The following FRAS1 variants were observed in gnomAD, a reference collection of about 807,000 sequenced individuals.
The protein encoded by FRAS1 is Fraser extracellular matrix complex subunit 1.
FRAS1 carries 290 observed loss-of-function variants against 435.2 expected under a neutral mutation model. The observed-to-expected ratio is 0.67, with a 90% CI of 0.61 to 0.73. The LOEUF is 0.73. Among genes scored for constraint, FRAS1 ranks in the 30% least tolerant of loss-of-function variants. FRAS1 has a pLI of 0.00. For synonymous variants in FRAS1, 1,800 were observed against 1,851.0 expected, an observed-to-expected ratio of 0.97 and a Z score of 0.71; for missense variants, 4,860 against 5,001.5, an observed-to-expected ratio of 0.97 and a Z score of 0.85.
chr4:78,154,623 CT>C (rs1432725314), intron 2 of FRAS1, among the ~76,000 whole-genome samples: 3 of 152,112 alleles, frequency 2.0e-5, no homozygotes, highest in African/African-American at 4.8e-5. Context: ...TCTTTTTAGG[CT>C]CGCTTTAATT....
In FRAS1 at chr4:78,349,769, A is replaced by C. The variant is rs1321936555; in HGVS notation, c.2422+11952A>C. Among the ~76,000 whole-genome samples, 5 of 14,624 alleles carry C rather than the reference A, an allele frequency of 3.4e-4. 1 individual carries two copies. The highest frequency in any genetic ancestry group is 1.4e-3 in the Admixed American group (2 of 1,478). The allele number at this position is 14,624 out of a possible 152,430, so 9.6% of individuals were successfully genotyped here. ...AGCTTCATAAGTGAAGGAGAAATAA[A>C]ATACTTTATAGACAAGCAAATGCTG... On this transcript the variant is annotated intron_variant, in intron 20 of 73. Coordinates refer to ENST00000512123, the MANE Select transcript of FRAS1 (RefSeq NM_025074.7).
intron 63 of FRAS1, 127 bp downstream of exon 63, chr4:78,509,133 GCA>G: frequency 3.8e-6 from 4 of 1,050,662 alleles, no homozygotes; most frequent in South Asian, 1.5e-5. Flanking sequence ...ATAAGCAGGT[GCA>G]CAGTCTTTTT....
At chr4:78,183,828 A>C (rs1444569662) in intron 2 of FRAS1, among the ~76,000 whole-genome samples, 4 of 110,074 alleles carry the variant, frequency 3.6e-5, no homozygotes, top group African/African-American at 1.3e-4. Context: ...CACATTATAT[A>C]TTTAATTAAT....
rs1164490899 is a variant in FRAS1 at position 78,466,269 on chromosome 4, G to C, written c.7091G>C (p.Ser2364Thr). ...CGCCATGGCACCATCGAGCGAACCA[G>C]CAATGGGCAGCATTTCCACCTCACC... ...PPRHGTIERT[S>T]NGQHFHLTST... Residue 2364 changes from serine (S) to threonine (T), a missense_variant, in exon 50 of 74, where the codon AGC (serine) becomes ACC (threonine). Coordinates refer to ENST00000512123, the MANE Select transcript of FRAS1 (RefSeq NM_025074.7). The C allele has an allele frequency of 1.2e-6, 2 of 1,613,786 alleles. No homozygotes were observed. The highest frequency in any genetic ancestry group is 1.7e-6 in the Non-Finnish European group (2 of 1,179,846).
At chr4:78,154,135 T>A (rs1456130601) in intron 2 of FRAS1, among the ~76,000 whole-genome samples, 3 of 152,194 alleles carry the variant, frequency 2.0e-5, no homozygotes, top group Non-Finnish European at 4.4e-5. Context: ...TTCATGAGGC[T>A]AAGAGACTGC....
In FRAS1 at chr4:78,452,315, C is replaced by G. The variant is rs377425476; in HGVS notation, c.6724C>G (p.Gln2242Glu). ...AGAATTGATCTACAGAATCACCAGA[C>G]AGCCCCAGCTGGGCCACTTGGAACA... ...PTELIYRITR[Q>E]PQLGHLEHAA... The change falls in exon 47 of 74, where the codon CAG becomes GAG. Residue 2242 changes from glutamine to glutamate, a missense_variant. Transcript: ENST00000512123. The G allele has an allele frequency of 8.7e-6, 14 of 1,611,530 alleles. No individual in the cohort carries two copies. The highest frequency in any genetic ancestry group is 3.3e-5 in the South Asian group (3 of 90,218).
chr4:78,347,761 GTGTA>G (rs1730660670), intron 20 of FRAS1, among the ~76,000 whole-genome samples: 1 of 146,508 alleles, frequency 6.8e-6, no homozygotes, highest in South Asian at 2.2e-4. Flanking sequence ...ATGTGTGTGT[GTGTA>G]TGTGTGTGCG....
At chr4:78,522,304 T>C (rs1455465584) in intron 68 of FRAS1, among the ~76,000 whole-genome samples, 1 of 152,206 alleles carries the variant, frequency 6.6e-6, no homozygotes, top group Non-Finnish European at 1.5e-5. Flanking sequence ...CCAAGAAACA[T>C]GTTCGTTAGA....
At chr4:78,150,681 T>C (rs1312890329) in intron 2 of FRAS1, among the ~76,000 whole-genome samples, 1 of 152,178 alleles carries the variant, frequency 6.6e-6, no homozygotes, top group Non-Finnish European at 1.5e-5. Flanking sequence ...GTTAATAGTA[T>C]CCAGACTGGG....
Position 78,338,670 on chromosome 4 carries a change from G to A in FRAS1, c.2422+853G>A, listed in dbSNP as rs188927188. Among the ~76,000 whole-genome samples, 100 of 152,322 alleles carry A rather than the reference G, an allele frequency of 6.6e-4. 1 individual carries two copies. Among genetic ancestry groups the A allele is most frequent in the African/African-American group, 2.4e-3 (99 of 41,564 alleles). On this transcript the variant is annotated intron_variant, in intron 20 of 73. Coordinates refer to ENST00000512123, the MANE Select transcript of FRAS1 (RefSeq NM_025074.7). The stretch of plus-strand genomic sequence containing the variant: ...GAAAGGTGAGAAAGTGTGCTGAGAG[G>A]TTGACCAGGCTGTCAGGCTTGTTCT...
At chr4:78,424,288 T>G in intron 34 of FRAS1, 100 bp from the exon 35 acceptor site, 2 of 551,194 alleles carry the variant, frequency 3.6e-6, no homozygotes, top group Non-Finnish European at 6.3e-6. Context: ...GATTAAAACA[T>G]TCTTTAGCTT....
chr4:78,245,329 A>C lies in FRAS1; in HGVS notation c.309+4A>C, dbSNP rs1420556125. 1.3e-6 allele frequency: 2 copies of C among 1,581,132 alleles called. No individual in the cohort carries two copies. The highest frequency in any genetic ancestry group is 1.7e-6 in the Non-Finnish European group (2 of 1,156,642). The stretch of plus-strand genomic sequence containing the variant: ...TCATGAAAAGAAAATCCATGAGGTA[A>C]GTGTTTTCTGACTCACGGTTGATTC... On this transcript the variant is annotated splice_donor_region_variant and intron_variant, in intron 4 of 73. Transcript: ENST00000512123.
At chr4:78,437,452 T>C (rs58863575) in intron 38 of FRAS1, among the ~76,000 whole-genome samples, 3,389 of 152,342 alleles carry the variant, frequency 0.022, 94 homozygotes, top group African/African-American at 0.072. Context: ...CTTTCTGAAG[T>C]CTTGCAGCTT....
intron 59 of FRAS1, among the ~76,000 whole-genome samples, chr4:78,496,302 T>G (rs1323934960): frequency 5.3e-5 from 8 of 152,202 alleles, no homozygotes; most frequent in African/African-American, 1.2e-4. Flanking sequence ...TCGAAAATTC[T>G]TTAGCATTTA....
intron 2 of FRAS1, among the ~76,000 whole-genome samples, chr4:78,233,029 A>G (rs1213687970): frequency 6.6e-6 from 1 of 152,232 alleles, no homozygotes; most frequent in Non-Finnish European, 1.5e-5. Flanking sequence ...AACCTACTCC[A>G]TGTTCTTAGA....
chr4:78,407,155 A>C (rs955931365), intron 30 of FRAS1, among the ~76,000 whole-genome samples: 4 of 152,256 alleles, frequency 2.6e-5, no homozygotes, highest in African/African-American at 9.6e-5. Context: ...TTCTGGTCCT[A>C]AGAATTTCAG....
At position 78,432,603 on chromosome 4, in the gene FRAS1, T is replaced by A; in HGVS notation, c.5216T>A (p.Val1739Glu). The change falls in exon 38 of 74, where the codon GTG becomes GAG. Residue 1739 changes from valine to glutamate, a missense_variant and splice_region_variant. Transcript: ENST00000512123. ...ATCACTAGGTCACACCTTGCTTACG[T>A]GGTAAGTTCTTCCATTTGCTGTGTT... ...AIITRSHLAY[V>E]DDSSPDPEIW... 4.5e-6 allele frequency: 7 copies of A among 1,564,178 alleles called. No individual in the cohort carries two copies. Among genetic ancestry groups the A allele is most frequent in the Non-Finnish European group, 4.3e-6 (5 of 1,151,818 alleles).
chr4:78,306,231 C>A (rs946082587), intron 14 of FRAS1, among the ~76,000 whole-genome samples: 4 of 151,878 alleles, frequency 2.6e-5, no homozygotes, highest in South Asian at 4.2e-4. Context: ...CCAAGAGATC[C>A]GCTGTTAGTC....
intron 3 of FRAS1, among the ~76,000 whole-genome samples, chr4:78,238,022 A>C (rs1225054305): frequency 6.6e-6 from 1 of 152,184 alleles, no homozygotes; most frequent in Non-Finnish European, 1.5e-5. Context: ...CTGAAGTCTG[A>C]CTGATGCCAA....
Sources: allele counts gnomAD v4.1 joint callset (sites outside exome capture counted in the v4.1 genomes callset), GRCh38; gene constraint gnomAD v4.1.1; transcripts MANE v1.5; gene names NCBI Gene and HGNC (gene_info 2026-07-23, HGNC 2026-07-21).